Variants in ATAT1 observed in about 807,000 individuals in gnomAD.
ATAT1 encodes the protein alpha tubulin acetyltransferase 1, also known as alpha-tubulin N-acetyltransferase 1.
ATAT1 carries 42 observed loss-of-function variants against 57.2 expected under a neutral mutation model. The observed-to-expected ratio is 0.73, with a 90% CI of 0.57 to 0.95. The LOEUF is 0.95. Ranked by LOEUF, ATAT1 falls within the 40% of genes least tolerant of loss-of-function variation. The pLI, the probability that ATAT1 is intolerant of heterozygous loss-of-function variation, is 0.00. For missense variants in ATAT1, 454 were observed against 523.7 expected (o/e 0.87, Z 1.30); for synonymous variants, 168 against 187.1 (o/e 0.90, Z 0.83).
Position 30,645,848 on chromosome 6 carries a change from C to T in ATAT1, c.933-47C>T, listed in dbSNP as rs779944220. On this transcript the variant is annotated intron_variant, in intron 10 of 12. Transcript: ENST00000330083. ...CTCTGATTCCTCCATACCCACCCATCTTTCATCCAGTAGCCTCCTCCCCAT... is the reference window on the plus strand; with the variant it reads ...CTCTGATTCCTCCATACCCACCCATTTTTCATCCAGTAGCCTCCTCCCCAT... The T allele has an allele frequency of 1.5e-5, 21 of 1,388,138 alleles. No individual in the cohort carries two copies. The South Asian group carries it at 2.5e-4, about 16-fold the overall frequency. 86.0% of individuals were successfully genotyped at this position (1,388,138 alleles called of 1,614,324 possible).
At chr6:30,627,310 G>T (rs761824724) in intron 1 of ATAT1, 150 bp from the exon 2 acceptor site, 9 of 1,613,274 alleles carry the variant, frequency 5.6e-6, no homozygotes, top group Non-Finnish European at 7.6e-6. Context: ...AGGGTGGGGT[G>T]GGAAATCAGA....
At chr6:30,631,319 T>TA (rs1352991649) in intron 6 of ATAT1, among the ~76,000 whole-genome samples, 1 of 150,362 alleles carries the variant, frequency 6.7e-6, no homozygotes, top group African/African-American at 2.5e-5. Flanking sequence ...CTGTCTCCAC[T>TA]AAAAAAAATA....
chr6:30,644,714 T>G, intron 10 of ATAT1: 9 of 854,596 alleles, frequency 1.1e-5, no homozygotes, highest in Non-Finnish European at 1.3e-5. Flanking sequence ...TCCCTTATTT[T>G]CCTGGGATCT....
chr6:30,641,224 G>C (rs1324545680), intron 8 of ATAT1, among the ~76,000 whole-genome samples: 1 of 152,126 alleles, frequency 6.6e-6, no homozygotes, highest in Non-Finnish European at 1.5e-5. Context: ...TACAGTGCTT[G>C]CTTGCACAGA....
intron 10 of ATAT1, chr6:30,643,509 T>A (rs1388848199): frequency 1.3e-6 from 2 of 1,548,894 alleles, no homozygotes; most frequent in Admixed American, 3.9e-5. Flanking sequence ...CTTCCTCCCA[T>A]CCATAACATC....
intron 6 of ATAT1, among the ~76,000 whole-genome samples, chr6:30,632,691 A>G (rs1763167930): frequency 6.6e-6 from 1 of 152,038 alleles, no homozygotes; most frequent in Non-Finnish European, 1.5e-5. Flanking sequence ...TAATCCTAGC[A>G]CTTTGGGAGG....
chr6:30,626,878 A>G lies in ATAT1; in HGVS notation c.-326A>G, dbSNP rs1170995947. On this transcript the variant is annotated 5_prime_UTR_variant, in exon 1 of 13. Transcript: ENST00000330083. ...GTGTGGGGCGGGTCCGACCGCGCAC[A>G]ATGGGCCATGGAGTTCCCGTTCGAT... 6.2e-7 allele frequency: 1 copy of G among 1,603,374 alleles called. No individual in the cohort carries two copies.
At chr6:30,634,145 A>T (rs1015585877) in intron 6 of ATAT1, among the ~76,000 whole-genome samples, 1 of 152,162 alleles carries the variant, frequency 6.6e-6, no homozygotes, top group Non-Finnish European at 1.5e-5. Context: ...ACAGAGGAGG[A>T]AAAAAGAACC....
At chr6:30,627,942 T>C (rs766466658) in intron 4 of ATAT1, 31 bp downstream of exon 4, 2 of 1,611,854 alleles carry the variant, frequency 1.2e-6, no homozygotes, top group Non-Finnish European at 1.7e-6. Context: ...GGAGTTCGTA[T>C]ACCTTGGTTT....
At chr6:30,629,102 G>A (rs1762286018) in intron 6 of ATAT1, among the ~76,000 whole-genome samples, 2 of 151,600 alleles carry the variant, frequency 1.3e-5, no homozygotes, top group South Asian at 2.1e-4. Context: ...GTCTCACTAT[G>A]TTGCACTGGG....
chr6:30,636,530 G>A (rs970477239), intron 6 of ATAT1, among the ~76,000 whole-genome samples: 2 of 152,016 alleles, frequency 1.3e-5, no homozygotes, highest in Non-Finnish European at 2.9e-5. Flanking sequence ...AGCTTGCAGT[G>A]AGCCCAGATC....
intron 9 of ATAT1, 33 bp from the exon 10 acceptor site, chr6:30,642,735 T>C: frequency 7.2e-7 from 1 of 1,396,804 alleles, no homozygotes; most frequent in South Asian, 1.2e-5. Flanking sequence ...TTTCTTCTTT[T>C]TCTGTCTTGC....
At position 30,628,083 on chromosome 6, in the gene ATAT1, T is replaced by G; in HGVS notation, c.337T>G (p.Tyr113Asp). ...AGAACCACTTTGCATCCTGGACTTT[T>G]ACATCCATGAGTCTGTGCAACGCCA... Residue 113 changes from tyrosine to aspartate, a missense_variant, in exon 5 of 13, where the codon TAC (tyrosine) becomes GAC (aspartate). By Grantham distance (160) the Tyr-to-Asp change is radical. Around this residue, in one of 3 missense-constraint regions of ATAT1, gnomAD observed 236 missense variants for 284.5 expected, o/e 0.83. Coordinates refer to ENST00000330083, the MANE Select transcript of ATAT1 (RefSeq NM_001031722.4). 6.2e-7 allele frequency: 1 copy of G among 1,613,112 alleles called. No homozygotes were observed. Among genetic ancestry groups the G allele is most frequent in the Non-Finnish European group, 8.5e-7 (1 of 1,180,036 alleles).
chr6:30,638,265 A>G (rs1379054597), intron 6 of ATAT1, among the ~76,000 whole-genome samples: 1 of 151,606 alleles, frequency 6.6e-6, no homozygotes, highest in East Asian at 2.0e-4. Flanking sequence ...GGCTCAAGCT[A>G]TCCACATGAG....
chr6:30,646,168 A>T (rs1451888505), intron 12 of ATAT1, 59 bp downstream of exon 12: 2 of 1,575,830 alleles, frequency 1.3e-6, no homozygotes, highest in Non-Finnish European at 1.7e-6. Flanking sequence ...CCTTCCTAAC[A>T]TCATTCTCAG....
rs574032709 is a variant in ATAT1 at position 30,632,444 on chromosome 6, C to T, written c.501+4014C>T. Among the ~76,000 whole-genome samples the T allele has an allele frequency of 1.6e-3, 246 of 151,614 alleles. 2 individuals are homozygous for T. In the South Asian group the frequency reaches 0.02, roughly 12 times the overall value. ...AAAATTAGCCGGGTGTGGTGGCGGGCACCTGTAGCCCCAGCTACTTGGGAG... is the reference window on the plus strand; with the variant it reads ...AAAATTAGCCGGGTGTGGTGGCGGGTACCTGTAGCCCCAGCTACTTGGGAG... On this transcript the variant is annotated intron_variant, in intron 6 of 12. Coordinates refer to ENST00000330083, the MANE Select transcript of ATAT1 (RefSeq NM_001031722.4).
intron 6 of ATAT1, among the ~76,000 whole-genome samples, chr6:30,639,406 T>A (rs1040032300): frequency 5.3e-5 from 8 of 152,188 alleles, no homozygotes; most frequent in Non-Finnish European, 1.2e-4. Flanking sequence ...ATATTCTAGA[T>A]AGAACGCACT....
intron 6 of ATAT1, among the ~76,000 whole-genome samples, chr6:30,631,763 C>T (rs193231043): frequency 1.2e-4 from 18 of 151,756 alleles, no homozygotes; most frequent in East Asian, 5.8e-4. Flanking sequence ...TGGGTAACAA[C>T]GTGAGACTGT....
At chr6:30,630,780 A>T (rs1267866526) in intron 6 of ATAT1, among the ~76,000 whole-genome samples, 3 of 151,938 alleles carry the variant, frequency 2.0e-5, no homozygotes, top group Non-Finnish European at 4.4e-5. Flanking sequence ...TCTACTAAAA[A>T]TATAAAAATT....
Sources: allele counts gnomAD v4.1 joint callset (sites outside exome capture counted in the v4.1 genomes callset), GRCh38; gene constraint gnomAD v4.1.1; regional missense constraint gnomAD v4.1.1; transcripts MANE v1.5; gene names NCBI Gene and HGNC (gene_info 2026-07-23, HGNC 2026-07-21).